ARL14EPL: variants seen among roughly 807,000 people sequenced by gnomAD.
The protein encoded by ARL14EPL is ARF like GTPase 14 effector protein like.
In ARL14EPL, 17 loss-of-function variants were observed where a neutral mutation model predicts 15.9. The ratio of observed to expected loss-of-function variants is 1.07; its 90% CI spans 0.73 to 1.60. The LOEUF is 1.60. ARL14EPL is among the 40% of genes most tolerant of loss of function. The pLI, the probability that ARL14EPL is intolerant of heterozygous loss-of-function variation, is 0.00. For missense variants in ARL14EPL, 214 were observed against 185.9 expected, an observed-to-expected ratio of 1.15 and a Z score of -0.88; for synonymous variants, 78 against 63.8, an observed-to-expected ratio of 1.22 and a Z score of -1.06.
intron 1 of ARL14EPL, among the ~76,000 whole-genome samples, chr5:116,035,160 C>T (rs1221733679): frequency 2.6e-5 from 4 of 152,144 alleles, no homozygotes; most frequent in East Asian, 1.9e-4. Context: ...TTTACAGCTG[C>T]CTTAGAAGTT....
At chr5:116,051,644 G>A (rs1355694645) in intron 2 of ARL14EPL, 83 bp downstream of exon 2, 3 of 1,215,280 alleles carry the variant, frequency 2.5e-6, no homozygotes, top group Non-Finnish European at 3.4e-6. Context: ...ATGTGGGTGG[G>A]AAGGTGGGCC....
chr5:116,051,995 T>C, intron 2 of ARL14EPL: 2 of 1,611,886 alleles, frequency 1.2e-6, no homozygotes, highest in Non-Finnish European at 1.7e-6. Context: ...TGAAACCAGT[T>C]TGATAAGTCC....
chr5:116,053,379 A>G (rs1580417003), intron 2 of ARL14EPL, among the ~76,000 whole-genome samples: 1 of 151,838 alleles, frequency 6.6e-6, no homozygotes, highest in East Asian at 1.9e-4. Context: ...AAAGGAAAAA[A>G]AAAAAACCTC....
chr5:116,056,696 G>A (rs1246240755), intron 3 of ARL14EPL, among the ~76,000 whole-genome samples: 3 of 152,168 alleles, frequency 2.0e-5, no homozygotes, highest in East Asian at 3.8e-4. Context: ...CATTGCTTTT[G>A]ATGTTTTAGA....
chr5:116,059,375 A>G lies in ARL14EPL; in HGVS notation c.*428A>G, dbSNP rs143567214. ...TAGAATCTTATACATCACTAGCTGTAAATCAGAATTGCCATTTGGATTTTG... is the reference window on the plus strand; with the variant it reads ...TAGAATCTTATACATCACTAGCTGTGAATCAGAATTGCCATTTGGATTTTG... On this transcript the variant is annotated 3_prime_UTR_variant, in exon 4 of 4. Coordinates refer to ENST00000686077, the MANE Select transcript of ARL14EPL (RefSeq NM_001195581.2). 88 of 167,122 alleles carry G rather than the reference A, an allele frequency of 5.3e-4. No homozygotes were observed. The East Asian group carries it at 7.2e-3, about 14-fold the overall frequency. The allele number at this position is 167,122 out of a possible 1,614,324, so 10.4% of individuals were successfully genotyped here.
chr5:116,041,020 C>T (rs778466376), intron 1 of ARL14EPL, among the ~76,000 whole-genome samples: 1 of 122,088 alleles, frequency 8.2e-6, no homozygotes, highest in South Asian at 2.6e-4. Context: ...TCAAAAAACA[C>T]AATAGAATAT....
chr5:116,039,665 C>G (rs562543408), intron 1 of ARL14EPL, among the ~76,000 whole-genome samples: 57 of 151,760 alleles, frequency 3.8e-4, no homozygotes, highest in Non-Finnish European at 5.9e-5. Context: ...ACCCAAAGTT[C>G]TTAGAAGAAT....
chr5:116,046,978 A>G (rs895835978), intron 1 of ARL14EPL, among the ~76,000 whole-genome samples: 2 of 152,168 alleles, frequency 1.3e-5, no homozygotes, highest in Admixed American at 1.3e-4. Context: ...GCATACCAAG[A>G]AAAGGCCCTG....
chr5:116,056,764 G>T (rs2112682876), intron 3 of ARL14EPL, among the ~76,000 whole-genome samples: 1 of 152,164 alleles, frequency 6.6e-6, no homozygotes, highest in Admixed American at 6.5e-5. Context: ...TTTCTTCTAG[G>T]GTTTTTATGG....
chr5:116,033,203 AC>A (rs1427776697), intron 1 of ARL14EPL, among the ~76,000 whole-genome samples: 2 of 152,200 alleles, frequency 1.3e-5, no homozygotes, highest in African/African-American at 2.4e-5. Flanking sequence ...TCCCCGACTT[AC>A]CGTGGTTTGA....
chr5:116,059,202 T>C lies in ARL14EPL; in HGVS notation c.*255T>C. 2.3e-6 allele frequency: 1 copy of C among 441,298 alleles called. No individual in the cohort carries two copies. Among genetic ancestry groups the C allele is most frequent in the South Asian group, 2.9e-5 (1 of 34,132 alleles). 27.3% of individuals were successfully genotyped at this position (441,298 alleles called of 1,614,324 possible). On this transcript the variant is annotated 3_prime_UTR_variant, in exon 4 of 4. Transcript: ENST00000686077. ...GGATCAGCATTTCTCATCAGCACCC[T>C]CATCTCTACTCTGCCTTCAAATTAA...
chr5:116,044,781 T>C (rs1749232512), intron 1 of ARL14EPL, among the ~76,000 whole-genome samples: 1 of 152,110 alleles, frequency 6.6e-6, no homozygotes, highest in East Asian at 1.9e-4. Flanking sequence ...CTACCTCCCC[T>C]CGTCCCAGCC....
At chr5:116,041,846 T>C (rs1355259300) in intron 1 of ARL14EPL, among the ~76,000 whole-genome samples, 1 of 152,180 alleles carries the variant, frequency 6.6e-6, no homozygotes, top group Non-Finnish European at 1.5e-5. Flanking sequence ...AATTTTTTTT[T>C]GAGACAGGGT....
At chr5:116,052,951 A>C (rs551112248) in intron 2 of ARL14EPL, among the ~76,000 whole-genome samples, 12 of 152,174 alleles carry the variant, frequency 7.9e-5, no homozygotes, top group African/African-American at 2.9e-4. Flanking sequence ...CATGTGCTAC[A>C]TGTTCACAAT....
intron 1 of ARL14EPL, among the ~76,000 whole-genome samples, chr5:116,044,321 C>T (rs1749223269): frequency 6.6e-6 from 1 of 152,030 alleles, no homozygotes; most frequent in African/African-American, 2.4e-5. Flanking sequence ...AACATAATAT[C>T]CAAACCCTGG....
intron 1 of ARL14EPL, among the ~76,000 whole-genome samples, chr5:116,036,467 A>T (rs1423317205): frequency 2.0e-5 from 3 of 152,226 alleles, no homozygotes; most frequent in Non-Finnish European, 4.4e-5. Context: ...ACTCGTTCTG[A>T]CAAGAAACTT....
rs1189892678 is a variant in ARL14EPL, at chr5:116,051,566, G to A, written c.96+5G>A. 15 of 1,521,654 alleles carry A rather than the reference G, an allele frequency of 9.9e-6. No individual in the cohort carries two copies. In the Admixed American group the frequency reaches 1.6e-4, roughly 16 times the overall value. The allele number at this position is 1,521,654 out of a possible 1,614,324, so 94.3% of individuals were successfully genotyped here. ...CAAATTGGACAGAAACAACTGGTAT[G>A]GCACACAGATTCTATGATTCCATGC... is the stretch of plus-strand genomic sequence containing the variant. On this transcript the variant is annotated splice_donor_5th_base_variant and intron_variant, in intron 2 of 3. Transcript: ENST00000686077.
intron 1 of ARL14EPL, chr5:116,051,104 A>T (rs529758241): frequency 5.7e-6 from 1 of 175,358 alleles, no homozygotes; most frequent in South Asian, 1.6e-4. Context: ...TACATATGGC[A>T]TTAACGTATC....
rs1267209332 is a variant in ARL14EPL, at chr5:116,054,107, A to G, written c.190A>G (p.Lys64Glu). 5.2e-6 allele frequency: 8 copies of G among 1,535,760 alleles called. No homozygotes were observed. The highest frequency in any genetic ancestry group is 1.7e-4 in the Middle Eastern group (1 of 6,010). Residue 64 changes from lysine (K) to glutamate (E), a missense_variant, in exon 3 of 4, where the codon AAA becomes GAA. Physicochemically the swap from Lys to Glu is moderately conservative, Grantham distance 56. Transcript: ENST00000686077. ...FNPETRQQKKKARMSKMNEYF... is the reference protein window; with the variant it reads ...FNPETRQQKKEARMSKMNEYF... ...TCCTGAAACAAGGCAGCAGAAAAAG[A>G]AAGCCCGGATGTCAAAGATGAATGA...
Sources: allele counts gnomAD v4.1 joint callset (sites outside exome capture counted in the v4.1 genomes callset), GRCh38; gene constraint gnomAD v4.1.1; transcripts MANE v1.5; gene names NCBI Gene and HGNC (gene_info 2026-07-23, HGNC 2026-07-21).